SPAG16: variants seen among roughly 807,000 people sequenced by gnomAD.
The protein encoded by SPAG16 is sperm associated antigen 16, also known as sperm-associated antigen 16 protein.
SPAG16 carries 86 observed loss-of-function variants against 80.4 expected under a neutral mutation model. The ratio of observed to expected loss-of-function variants is 1.07; its 90% confidence interval spans 0.90 to 1.28. SPAG16 has a LOEUF of 1.28. SPAG16 is among the 50% of genes most tolerant of loss of function. The pLI, the probability that SPAG16 is intolerant of heterozygous loss-of-function variation, is 0.00. For missense variants in SPAG16, 870 were observed against 765.3 expected, an observed-to-expected ratio of 1.14 and a Z score of -1.61; for synonymous variants, 294 against 265.9, an observed-to-expected ratio of 1.11 and a Z score of -1.03.
intron 10 of SPAG16, among the ~76,000 whole-genome samples, chr2:213,578,985 C>A (rs1188083859): frequency 6.6e-6 from 1 of 152,012 alleles, no homozygotes; most frequent in African/African-American, 2.4e-5. Flanking sequence ...CAGCATAAGG[C>A]AATTTTAAGA....
intron 9 of SPAG16, among the ~76,000 whole-genome samples, chr2:213,419,614 T>A (rs1478402562): frequency 6.6e-6 from 1 of 152,198 alleles, no homozygotes; most frequent in Non-Finnish European, 1.5e-5. Flanking sequence ...AACACCTTTT[T>A]AAAAAATTAA....
intron 3 of SPAG16, 126 bp from the exon 4 acceptor site, chr2:213,309,933 A>G: frequency 9.9e-6 from 6 of 603,598 alleles, no homozygotes. Flanking sequence ...GGTTCCTGGC[A>G]TATAACAGTC....
chr2:213,337,786 G>C (rs554578081), intron 5 of SPAG16, among the ~76,000 whole-genome samples: 1 of 152,118 alleles, frequency 6.6e-6, no homozygotes, highest in Admixed American at 6.5e-5. Flanking sequence ...ATGGAACCAA[G>C]TTGGAAAACA....
At chr2:214,154,498 ACCC>A (rs67537759) in intron 15 of SPAG16, among the ~76,000 whole-genome samples, 199 of 119,148 alleles carry the variant, frequency 1.7e-3, no homozygotes, top group African/African-American at 4.5e-3. Flanking sequence ...AAAGTATCAG[ACCC>A]CCCCCCCCCA....
intron 10 of SPAG16, among the ~76,000 whole-genome samples, chr2:213,851,115 A>G (rs2074883076): frequency 6.6e-6 from 1 of 152,232 alleles, no homozygotes; most frequent in Non-Finnish European, 1.5e-5. Context: ...GTCTAATTTA[A>G]GAATAAAATA....
At chr2:213,470,157 C>T (rs2072998911) in intron 9 of SPAG16, among the ~76,000 whole-genome samples, 1 of 152,146 alleles carries the variant, frequency 6.6e-6, no homozygotes, top group Non-Finnish European at 1.5e-5. Context: ...AACTTTGCCT[C>T]ATCCAAGCGA....
chr2:213,553,826 G>C (rs190486717), intron 10 of SPAG16, among the ~76,000 whole-genome samples: 37 of 152,258 alleles, frequency 2.4e-4, no homozygotes, highest in Admixed American at 2.2e-3. Context: ...TAAAGAGCTA[G>C]GTTCTGCTCT....
chr2:213,434,551 A>G (rs58049912), intron 9 of SPAG16, among the ~76,000 whole-genome samples: 11,377 of 152,272 alleles, frequency 0.075, 1,404 homozygotes, highest in African/African-American at 0.26. Flanking sequence ...AATAGGAGAA[A>G]GTATTTGCAA....
At chr2:213,457,734 T>C (rs1052415262) in intron 9 of SPAG16, among the ~76,000 whole-genome samples, 1 of 152,218 alleles carries the variant, frequency 6.6e-6, no homozygotes, top group Non-Finnish European at 1.5e-5. Context: ...GAACACAGCA[T>C]ATGCTTAAAT....
chr2:213,969,120 CT>C (rs774508409), intron 12 of SPAG16, among the ~76,000 whole-genome samples: 1 of 152,160 alleles, frequency 6.6e-6, no homozygotes, highest in African/African-American at 2.4e-5. Context: ...GTGAAATTAA[CT>C]TTGGCTAAAG....
chr2:214,027,582 A>T (rs2048199195), intron 13 of SPAG16, among the ~76,000 whole-genome samples: 1 of 151,820 alleles, frequency 6.6e-6, no homozygotes, highest in Non-Finnish European at 1.5e-5. Context: ...GATGTTGACA[A>T]TTCCTAGCTA....
chr2:214,007,623 A>G (rs1216465418), intron 12 of SPAG16, among the ~76,000 whole-genome samples: 1 of 152,194 alleles, frequency 6.6e-6, no homozygotes, highest in African/African-American at 2.4e-5. Context: ...TATTGAAGGA[A>G]TTCTGGGCTG....
At chr2:213,569,287 GAGAGAGGGCATCCCTGTC>G (rs1237238956) in intron 10 of SPAG16, among the ~76,000 whole-genome samples, 1 of 1,316 alleles carries the variant, frequency 7.6e-4, no homozygotes, top group Non-Finnish European at 1.1e-3. Flanking sequence ...TAGGAGCGGT[GAGAGAGGGCATCCCTGTC>G]TTGTGCCGGT....
At chr2:214,155,901 C>T (rs912599609) in intron 15 of SPAG16, among the ~76,000 whole-genome samples, 3 of 152,054 alleles carry the variant, frequency 2.0e-5, no homozygotes, top group East Asian at 1.9e-4. Flanking sequence ...CCCACTGTCA[C>T]CTAGCTGATT....
chr2:213,889,371 C>T (rs4673778), intron 11 of SPAG16, among the ~76,000 whole-genome samples: 90,107 of 151,446 alleles, frequency 0.59, 28,676 homozygotes, highest in South Asian at 0.85. Flanking sequence ...GGTATGTAAT[C>T]ATTATATTAA....
chr2:213,647,645 C>CT (rs2125135084), intron 10 of SPAG16, among the ~76,000 whole-genome samples: 1 of 152,240 alleles, frequency 6.6e-6, no homozygotes, highest in Non-Finnish European at 1.5e-5. Context: ...TGCAGAGAAA[C>CT]TTGAAGCTTC....
chr2:213,869,458 A>G (rs2075863237), intron 11 of SPAG16, among the ~76,000 whole-genome samples: 1 of 151,450 alleles, frequency 6.6e-6, no homozygotes, highest in Non-Finnish European at 1.5e-5. Context: ...CTGCAGAAGT[A>G]GCTGTTTTCA....
rs1471992812 is a variant in SPAG16, at chr2:213,488,019, G to GGCAATAAAAT, written c.943-1944_943-1943insGCAATAAAAT. The stretch of plus-strand genomic sequence containing the variant: ...GAATTGGCAATAATTTTTTCCATAG[G>GGCAATAAAAT]CTTTTTATTTTACAGATATAAAATA... On this transcript the variant is annotated intron_variant, in intron 9 of 15. Transcript: ENST00000331683. Among the ~76,000 whole-genome samples the GGCAATAAAAT allele has an allele frequency of 1.1e-4, 16 of 151,856 alleles. No homozygotes were observed. The South Asian group carries it at 2.9e-3, about 28-fold the overall frequency.
At chr2:213,630,885 G>T (rs1387453029) in intron 10 of SPAG16, among the ~76,000 whole-genome samples, 1 of 152,124 alleles carries the variant, frequency 6.6e-6, no homozygotes, top group Non-Finnish European at 1.5e-5. Context: ...ATATAGTTTA[G>T]GAATAAATGA....
Sources: gnomAD v4.1 joint callset for allele counts (sites outside exome capture counted in the v4.1 genomes callset) on GRCh38, gnomAD v4.1.1 for gene constraint, MANE v1.5 for transcripts, NCBI Gene and HGNC (gene_info 2026-07-23, HGNC 2026-07-21) for gene names.